The following SEPTIN6 variants were observed in gnomAD, a reference collection of about 807,000 sequenced individuals.
The protein encoded by SEPTIN6 is septin-6.
In SEPTIN6, 8 loss-of-function variants were observed where a neutral mutation model predicts 33.6. The observed-to-expected ratio is 0.24, with a 90% CI of 0.14 to 0.43. The LOEUF is 0.43. Among genes scored for constraint, SEPTIN6 ranks in the 20% least tolerant of loss-of-function variants. The pLI is 1.00. For synonymous variants in SEPTIN6, 131 were observed against 140.0 expected (o/e 0.94, Z 0.45); for missense variants, 250 against 340.8 (o/e 0.73, Z 2.10).
intron 4 of SEPTIN6, among the ~76,000 whole-genome samples, chrX:119,651,052 T>C (rs980540515): frequency 9.2e-6 from 1 of 109,208 alleles, no homozygotes; most frequent in Non-Finnish European, 1.9e-5. Flanking sequence ...TAAGTTCAGG[T>C]TGACATGGAG....
chrX:119,650,119 G>A (rs1205146386), intron 4 of SEPTIN6, 21 bp from the exon 5 acceptor site: 2 of 1,206,193 alleles, frequency 1.7e-6, no homozygotes, highest in South Asian at 3.5e-5. Flanking sequence ...GAGGGGCAAA[G>A]TGGGGTCATT....
chrX:119,628,630 C>G (rs1349520170), intron 9 of SEPTIN6, among the ~76,000 whole-genome samples: 2 of 108,281 alleles, frequency 1.8e-5, no homozygotes, highest in African/African-American at 6.8e-5. Context: ...CTCAGCCTCC[C>G]GAGTAGCTGG....
chrX:119,637,552 T>C (rs1247075296), intron 6 of SEPTIN6, among the ~76,000 whole-genome samples: 2 of 108,085 alleles, frequency 1.9e-5, no homozygotes, highest in Non-Finnish European at 3.8e-5. Flanking sequence ...CATCCATCCA[T>C]CCATCTATCC....
At chrX:119,629,857 G>A (rs1251432535) in intron 8 of SEPTIN6, among the ~76,000 whole-genome samples, 1 of 111,879 alleles carries the variant, frequency 8.9e-6, no homozygotes, top group East Asian at 2.8e-4. Flanking sequence ...GCCGGGCTCA[G>A]GCCTGTAATC....
At chrX:119,621,434 G>A (rs2053758383) in intron 10 of SEPTIN6, among the ~76,000 whole-genome samples, 1 of 73,746 alleles carries the variant, frequency 1.4e-5, no homozygotes, top group Admixed American at 1.5e-4. Flanking sequence ...AGTCACAGCT[G>A]GGCCCAGAGC....
Position 119,628,435 on chromosome X carries a change from C to T in SEPTIN6, c.1280+883G>A, listed in dbSNP as rs375915335. Among the ~76,000 whole-genome samples, 8 of 110,449 alleles carry T rather than the reference C, an allele frequency of 7.2e-5. No individual in the cohort carries two copies. The East Asian group carries it at 8.5e-4, about 12-fold the overall frequency. Reference sequence around the variant, plus strand: ...CTGGGATTATAAGCGCGCGCCACCGCGCCTGGCTAATTTTTGTATTTTTAG... The same window carrying T: ...CTGGGATTATAAGCGCGCGCCACCGTGCCTGGCTAATTTTTGTATTTTTAG... On this transcript the variant is annotated intron_variant, in intron 9 of 10. Transcript: ENST00000394610.
At chrX:119,640,598 C>T in intron 6 of SEPTIN6, 94 bp downstream of exon 6, 1 of 725,781 alleles carries the variant, frequency 1.4e-6, no homozygotes, top group Non-Finnish European at 2.1e-6. Context: ...AGACTTGGGA[C>T]AATTTAGAAA....
chrX:119,652,559 A>G (rs372935552), intron 4 of SEPTIN6, among the ~76,000 whole-genome samples: 2 of 112,047 alleles, frequency 1.8e-5, no homozygotes, highest in African/African-American at 6.5e-5. Context: ...GACAAAGAAA[A>G]AAACAGCTTT....
intron 1 of SEPTIN6, among the ~76,000 whole-genome samples, chrX:119,677,003 T>C (rs1164665202): frequency 1.8e-5 from 2 of 112,420 alleles, no homozygotes; most frequent in Non-Finnish European, 3.8e-5. Context: ...TACAGGATCA[T>C]GCTCCTCAAG....
chrX:119,656,718 T>C (rs905561953), intron 3 of SEPTIN6, among the ~76,000 whole-genome samples: 1 of 111,113 alleles, frequency 9.0e-6, no homozygotes, highest in African/African-American at 3.3e-5. Context: ...AAACCCCGTC[T>C]CTACTAAAAA....
chrX:119,626,242 G>T (rs924912810), intron 9 of SEPTIN6, among the ~76,000 whole-genome samples: 1 of 112,046 alleles, frequency 8.9e-6, no homozygotes, highest in African/African-American at 3.2e-5. Flanking sequence ...CCCTGTTGGG[G>T]TCTCCTGCCT....
intron 6 of SEPTIN6, among the ~76,000 whole-genome samples, chrX:119,638,216 T>C (rs1463132199): frequency 2.7e-5 from 3 of 111,236 alleles, no homozygotes; most frequent in Non-Finnish European, 5.7e-5. Context: ...AGAAGGTAGA[T>C]AATGGCCTGA....
rs756174454 is a variant in SEPTIN6, at chrX:119,626,714, A to T, written c.1281-1335T>A. Among the ~76,000 whole-genome samples the T allele has an allele frequency of 8.2e-5, 9 of 109,988 alleles. No individual in the cohort carries two copies. In the South Asian group the frequency reaches 3.5e-3, roughly 43 times the overall value. ...ATGTTCTTTTTTTTTTTTTAGACAA[A>T]GTCTCACTCTGTCACCCAGGCTGAA... is the stretch of plus-strand genomic sequence containing the variant. On this transcript the variant is annotated intron_variant, in intron 9 of 10. Transcript: ENST00000394610.
intron 6 of SEPTIN6, among the ~76,000 whole-genome samples, chrX:119,640,318 C>A (rs1205460723): frequency 1.8e-5 from 2 of 110,292 alleles, no homozygotes; most frequent in Non-Finnish European, 3.8e-5. Flanking sequence ...TGTGCCCGGC[C>A]TATCCAGTCT....
intron 7 of SEPTIN6, chrX:119,635,220 G>A (rs1377761344): frequency 3.8e-5 from 11 of 291,904 alleles, no homozygotes; most frequent in South Asian, 1.3e-4. Flanking sequence ...GCTTAAGAGG[G>A]CAGAAGATGA....
At chrX:119,635,442 CG>C (rs920716716) in intron 7 of SEPTIN6, among the ~76,000 whole-genome samples, 5 of 110,260 alleles carry the variant, frequency 4.5e-5, no homozygotes, top group African/African-American at 1.7e-4. Flanking sequence ...GAAAGAATCC[CG>C]GGGGGTATAT....
chrX:119,683,971 ACT>A (rs1187819942), intron 1 of SEPTIN6, among the ~76,000 whole-genome samples: 1 of 98,178 alleles, frequency 1.0e-5, no homozygotes, highest in African/African-American at 3.8e-5. Context: ...ACAGTGTCTC[ACT>A]CTGTCAACCA....
chrX:119,692,324 C>T (rs1369822188), intron 1 of SEPTIN6, among the ~76,000 whole-genome samples: 9 of 108,727 alleles, frequency 8.3e-5, no homozygotes, highest in African/African-American at 3.0e-4. Context: ...GGCCAGCCAA[C>T]TGCACCCCAC....
intron 1 of SEPTIN6, among the ~76,000 whole-genome samples, chrX:119,686,945 A>AT (rs2055066436): frequency 9.0e-6 from 1 of 111,150 alleles, no homozygotes; most frequent in African/African-American, 3.3e-5. Flanking sequence ...TCATGGCAGG[A>AT]TTTTGATGTC....
Sources: gnomAD v4.1 joint callset for allele counts (sites outside exome capture counted in the v4.1 genomes callset) on GRCh38, gnomAD v4.1.1 for gene constraint, MANE v1.5 for transcripts, NCBI Gene and HGNC (gene_info 2026-07-23, HGNC 2026-07-21) for gene names.